The following TMEM39A variants were observed in gnomAD, a reference collection of about 807,000 sequenced individuals.
The protein encoded by TMEM39A is suppressor of SQST-1 aggregates in rpl-43 mutants.
In TMEM39A, 19 loss-of-function variants were observed where a neutral mutation model predicts 51.9. The observed-to-expected ratio is 0.37, with a 90% CI of 0.26 to 0.54. The LOEUF (loss-of-function observed/expected upper bound fraction) is 0.54. Ranked by LOEUF, TMEM39A falls within the 20% of genes least tolerant of loss-of-function variation. The pLI is 0.88. For synonymous variants in TMEM39A, 197 were observed against 220.2 expected, an observed-to-expected ratio of 0.89 and a Z score of 0.93; for missense variants, 433 against 590.5, an observed-to-expected ratio of 0.73 and a Z score of 2.76.
chr3:119,447,077 C>A lies in TMEM39A; in HGVS notation c.516G>T (p.Trp172Cys), dbSNP rs776087730. The A allele has an allele frequency of 1.2e-6, 2 of 1,614,036 alleles. No homozygotes were observed. Among genetic ancestry groups the A allele is most frequent in the Admixed American group, 1.7e-5 (1 of 60,004 alleles). ...LLTLCGWVLC[W>C]TLVNLFRSHS... is the part of the protein sequence containing the mutation. ...GGCTTCGAAAGAGATTGACGAGGGTCCAACAAAGTACCCATCCACACAAAG... is the reference window on the plus strand; with the variant it reads ...GGCTTCGAAAGAGATTGACGAGGGTACAACAAAGTACCCATCCACACAAAG... Residue 172 changes from tryptophan (W) to cysteine (C), a missense_variant, in exon 5 of 9, where the codon TGG becomes TGT. This residue lies in a region of TMEM39A where 170 missense variants were observed against 239.8 expected (regional missense o/e 0.71). Coordinates refer to ENST00000319172, the MANE Select transcript of TMEM39A (RefSeq NM_018266.3).
chr3:119,435,389 C>A (rs923197035), intron 7 of TMEM39A: 4 of 985,126 alleles, frequency 4.1e-6, no homozygotes, highest in African/African-American at 1.7e-5. Context: ...AAATACCTCA[C>A]AACTGTAAGA....
Position 119,432,150 on chromosome 3 carries a change from A to T in TMEM39A, c.1298T>A (p.Phe433Tyr). Residue 433 changes from phenylalanine to tyrosine, a missense_variant, in exon 9 of 9, where the codon TTC becomes TAC. By Grantham distance (22) the Phe-to-Tyr change is conservative. Coordinates refer to ENST00000319172, the MANE Select transcript of TMEM39A (RefSeq NM_018266.3). ...LLILIEGSVV[F>Y]YQLYSLLRSE... ...CCGCAGCAAGGAATAGAGCTGATAGAAGACGACACTGCCCTCAATAAGGAT... is the reference window on the plus strand; with the variant it reads ...CCGCAGCAAGGAATAGAGCTGATAGTAGACGACACTGCCCTCAATAAGGAT... 6.2e-7 allele frequency: 1 copy of T among 1,613,306 alleles called. No individual in the cohort carries two copies.
At chr3:119,459,981 TCCCC>T (rs2081317169) in intron 2 of TMEM39A, among the ~76,000 whole-genome samples, 2 of 152,016 alleles carry the variant, frequency 1.3e-5, no homozygotes, top group African/African-American at 2.4e-5. Flanking sequence ...TCATACCTCG[TCCCC>T]AGGTCTTTTA....
Position 119,429,889 on chromosome 3 carries a change from C to T in TMEM39A, c.*2092G>A, listed in dbSNP as rs1470372490. ...AGACAGATCAAGCCAGAAGGGGCATCATATTAGTTCATAAGACTGGTCTGT... is the reference window on the plus strand; with the variant it reads ...AGACAGATCAAGCCAGAAGGGGCATTATATTAGTTCATAAGACTGGTCTGT... On this transcript the variant is annotated 3_prime_UTR_variant, in exon 9 of 9. Transcript: ENST00000319172. The T allele has an allele frequency of 6.6e-6, 1 of 152,130 alleles. No individual in the cohort carries two copies. Among genetic ancestry groups the T allele is most frequent in the Non-Finnish European group, 1.5e-5 (1 of 68,010 alleles). The allele number at this position is 152,130 out of a possible 1,614,324, so 9.4% of individuals were successfully genotyped here. A position where few individuals can be genotyped will look rare whatever the true frequency, so the allele number is the denominator to read the frequency against.
Position 119,436,920 on chromosome 3 carries a change from T to C in TMEM39A, c.983A>G (p.Asn328Ser), listed in dbSNP as rs773339021. 4.3e-6 allele frequency: 7 copies of C among 1,613,874 alleles called. No individual in the cohort carries two copies. Among genetic ancestry groups the C allele is most frequent in the Admixed American group, 3.3e-5 (2 of 59,990 alleles). The change falls in exon 7 of 9, where the codon AAT (asparagine) becomes AGT (serine). Residue 328 changes from asparagine to serine, a missense_variant. Physicochemically the swap from Asn to Ser is conservative, Grantham distance 46 (BLOSUM62 1). Around this residue, in one of 3 missense-constraint regions of TMEM39A, gnomAD observed 223 missense variants for 328.1 expected, o/e 0.68. Coordinates refer to ENST00000319172, the MANE Select transcript of TMEM39A (RefSeq NM_018266.3). Reference sequence around the variant, plus strand: ...TTGCGTGGTGAGCATGACAAAAGCATTGATCCACACCATAATGAGGTGCTC... The same window carrying C: ...TTGCGTGGTGAGCATGACAAAAGCACTGATCCACACCATAATGAGGTGCTC... ...SCEHLIMVWINAFVMLTTQLL... is the reference protein window; with the variant it reads ...SCEHLIMVWISAFVMLTTQLL...
chr3:119,439,787 AG>A (rs1560010950), intron 5 of TMEM39A, among the ~76,000 whole-genome samples: 2 of 150,326 alleles, frequency 1.3e-5, no homozygotes, highest in African/African-American at 4.9e-5. Flanking sequence ...TTTTTTTTTG[AG>A]ACAAGGTCTT....
chr3:119,434,382 T>G (rs1399770393), intron 8 of TMEM39A, among the ~76,000 whole-genome samples: 1 of 152,168 alleles, frequency 6.6e-6, no homozygotes, highest in African/African-American at 2.4e-5. Context: ...ATTAATATAT[T>G]AAATGTCACT....
chr3:119,434,750 A>C lies in TMEM39A; in HGVS notation c.1233+12T>G, dbSNP rs371372293. The C allele has an allele frequency of 6.2e-7, 1 of 1,613,186 alleles. No individual in the cohort carries two copies. The highest frequency in any genetic ancestry group is 8.5e-7 in the Non-Finnish European group (1 of 1,179,354). ...CTAAGCTTATGTTTGAAAATAAATAAGCGGTACTTGCATAAAAGCGGGCAT... is the reference window on the plus strand; with the variant it reads ...CTAAGCTTATGTTTGAAAATAAATACGCGGTACTTGCATAAAAGCGGGCAT... On this transcript the variant is annotated intron_variant, in intron 8 of 8. Coordinates refer to ENST00000319172, the MANE Select transcript of TMEM39A (RefSeq NM_018266.3).
In TMEM39A at chr3:119,430,059, A is replaced by G. The variant is rs2080879864; in HGVS notation, c.*1922T>C. ...TGAAAATGTTGCTGCCAAGAGAAGC[A>G]TATTTTCAAGATCCTACAGAAAGAA... On this transcript the variant is annotated 3_prime_UTR_variant, in exon 9 of 9. Transcript: ENST00000319172. 2 of 152,298 alleles carry G rather than the reference A, an allele frequency of 1.3e-5. No homozygotes were observed. The highest frequency in any genetic ancestry group is 2.9e-5 in the Non-Finnish European group (2 of 68,012). The allele number at this position is 152,298 out of a possible 1,614,324, so 9.4% of individuals were successfully genotyped here.
chr3:119,457,262 G>A (rs1223763607), intron 3 of TMEM39A, among the ~76,000 whole-genome samples: 4 of 152,148 alleles, frequency 2.6e-5, no homozygotes, highest in African/African-American at 4.8e-5. Flanking sequence ...GAGCCACCGC[G>A]CCCGGCCTAT....
At chr3:119,439,844 T>A (rs1487901152) in intron 5 of TMEM39A, among the ~76,000 whole-genome samples, 1 of 152,062 alleles carries the variant, frequency 6.6e-6, no homozygotes, top group African/African-American at 2.4e-5. Context: ...TACGGCTCAC[T>A]GAAGCCTCAA....
At chr3:119,455,509 A>C in intron 3 of TMEM39A, among the ~76,000 whole-genome samples, 1 of 152,176 alleles carries the variant, frequency 6.6e-6, no homozygotes, top group East Asian at 1.9e-4. Context: ...TGCAACTCAG[A>C]CTCTAGATAC....
At position 119,430,415 on chromosome 3, in the gene TMEM39A, CATA is replaced by C. The variant is rs2080883948; in HGVS notation, c.*1563_*1565del. ...TACTACCAGGGAATGTTATATTACA[CATA>C]AATTTATTTGCTGTATTTTCTGCAC... On this transcript the variant is annotated 3_prime_UTR_variant, in exon 9 of 9. Coordinates refer to ENST00000319172, the MANE Select transcript of TMEM39A (RefSeq NM_018266.3). 6.6e-6 allele frequency: 1 copy of C among 152,132 alleles called. No individual in the cohort carries two copies. The highest frequency in any genetic ancestry group is 1.5e-5 in the Non-Finnish European group (1 of 68,006). 9.4% of individuals were successfully genotyped at this position (152,132 alleles called of 1,614,324 possible). A position where few individuals can be genotyped will look rare whatever the true frequency, so the allele number is the denominator to read the frequency against.
intron 5 of TMEM39A, among the ~76,000 whole-genome samples, chr3:119,446,046 C>G (rs1390206401): frequency 6.6e-6 from 1 of 151,978 alleles, no homozygotes; most frequent in Non-Finnish European, 1.5e-5. Flanking sequence ...CACATACATA[C>G]AATAAAGTTT....
At chr3:119,437,676 G>A (rs1260936939) in intron 6 of TMEM39A, 79 bp downstream of exon 6, 15 of 1,186,614 alleles carry the variant, frequency 1.3e-5, no homozygotes, top group East Asian at 4.9e-5. Flanking sequence ...AGAGAAAAGG[G>A]GGATTAAACA....
At chr3:119,460,906 T>C (rs939277683) in intron 2 of TMEM39A, among the ~76,000 whole-genome samples, 3 of 152,234 alleles carry the variant, frequency 2.0e-5, no homozygotes, top group Non-Finnish European at 4.4e-5. Context: ...TATTAGATAG[T>C]ACCTTTCTTC....
At chr3:119,436,719 C>T in intron 7 of TMEM39A, 72 bp downstream of exon 7, 1 of 1,447,712 alleles carries the variant, frequency 6.9e-7, no homozygotes, top group Non-Finnish European at 9.4e-7. Flanking sequence ...ACAAGAATGA[C>T]ATACAAAGCA....
chr3:119,435,030 A>C (rs1416380530), intron 7 of TMEM39A, 148 bp from the exon 8 acceptor site: 1 of 1,396,134 alleles, frequency 7.2e-7, no homozygotes, highest in Non-Finnish European at 9.4e-7. Flanking sequence ...CCATGGTCAA[A>C]CTGGAGTAGT....
chr3:119,432,284 AT>A, intron 8 of TMEM39A, 70 bp from the exon 9 acceptor site: 1 of 1,112,958 alleles, frequency 9.0e-7, no homozygotes, highest in Non-Finnish European at 1.3e-6. Context: ...TCTTGCATTG[AT>A]TTTTCTAAAA....
Sources: gnomAD v4.1 joint callset for allele counts (sites outside exome capture counted in the v4.1 genomes callset) on GRCh38, gnomAD v4.1.1 for gene constraint, gnomAD v4.1.1 regional missense constraint, MANE v1.5 for transcripts, NCBI Gene and HGNC (gene_info 2026-07-23, HGNC 2026-07-21) for gene names.